The following P3H2 variants were observed in gnomAD, a reference collection of about 807,000 sequenced individuals.
The protein encoded by P3H2 is prolyl 3-hydroxylase 2, also known as leprecan-like 1.
A neutral mutation model predicts 87.0 loss-of-function variants in P3H2; 80 were observed. The observed-to-expected ratio is 0.92, with a 90% CI of 0.77 to 1.11. The LOEUF (loss-of-function observed/expected upper bound fraction) is 1.11. Among genes scored for constraint, P3H2 ranks in the 50% least tolerant of loss-of-function variants. The pLI, the probability that P3H2 is intolerant of heterozygous loss-of-function variation, is 0.00. For synonymous variants in P3H2, 367 were observed against 359.3 expected (o/e 1.02, Z -0.24); for missense variants, 1,001 against 923.9 (o/e 1.08, Z -1.08).
In P3H2 at chr3:189,989,030, T is replaced by C. The variant is rs781334204; in HGVS notation, c.832A>G (p.Met278Val). 4 of 1,613,960 alleles carry C rather than the reference T, an allele frequency of 2.5e-6. No individual in the cohort carries two copies. In the African/African-American group the frequency reaches 5.3e-5, roughly 22 times the overall value. ...GLYEAIADHY[M>V]QVLVCQHECV... ...TCATGCTGACAAACAAGCACCTGCATGTAGTGATCTGGAAGACAAGAGCCA... is the reference window on the plus strand; with the variant it reads ...TCATGCTGACAAACAAGCACCTGCACGTAGTGATCTGGAAGACAAGAGCCA... Residue 278 changes from methionine (M) to valine (V), a missense_variant, in exon 4 of 15, where the codon ATG becomes GTG. Transcript: ENST00000319332.
At chr3:190,024,458 A>G (rs1310802015) in intron 1 of P3H2, among the ~76,000 whole-genome samples, 5 of 144,740 alleles carry the variant, frequency 3.5e-5, no homozygotes, top group Non-Finnish European at 7.5e-5. Flanking sequence ...CAGGAGAATC[A>G]CTTGAACTGG....
chr3:190,080,727 C>T (rs988894838), intron 1 of P3H2, among the ~76,000 whole-genome samples: 2 of 151,892 alleles, frequency 1.3e-5, no homozygotes, highest in Non-Finnish European at 2.9e-5. Context: ...TTTCTAACCC[C>T]AACTGTAGAT....
At chr3:190,046,689 T>C (rs1725817812) in intron 1 of P3H2, among the ~76,000 whole-genome samples, 1 of 152,186 alleles carries the variant, frequency 6.6e-6, no homozygotes, top group Non-Finnish European at 1.5e-5. Context: ...CAAATGGATT[T>C]CTCTATAAAA....
rs192358977 is a variant in P3H2 at position 190,002,232 on chromosome 3, C to T, written c.481-6790G>A. 2.8e-4 allele frequency among the ~76,000 whole-genome samples: 42 copies of T among 151,826 alleles called. No homozygotes were observed. In the South Asian group the frequency reaches 4.6e-3, roughly 16 times the overall value. On this transcript the variant is annotated intron_variant, in intron 1 of 14. Transcript: ENST00000319332. ...TTCACAATTCAGTTATAAGAAAAAA[C>T]AGTTTATATCTCCTGACAAATTTAT...
At chr3:190,117,917 G>C (rs544100405) in intron 1 of P3H2, among the ~76,000 whole-genome samples, 2 of 152,112 alleles carry the variant, frequency 1.3e-5, no homozygotes, top group South Asian at 4.2e-4. Flanking sequence ...GGGAGAAGAC[G>C]CAAGACTTGT....
intron 1 of P3H2, among the ~76,000 whole-genome samples, chr3:190,012,009 A>G (rs186599836): frequency 6.6e-6 from 1 of 152,336 alleles, no homozygotes; most frequent in East Asian, 1.9e-4. Context: ...TGTGTGGTAT[A>G]TGAAGAAACA....
intron 14 of P3H2, among the ~76,000 whole-genome samples, chr3:189,958,223 C>T (rs1188647880): frequency 2.0e-5 from 3 of 152,186 alleles, no homozygotes; most frequent in Non-Finnish European, 2.9e-5. Context: ...CTGCAAAGAA[C>T]GACTGTATGT....
Position 189,973,015 on chromosome 3 carries a change from C to G in P3H2, c.1558G>C (p.Glu520Gln). The change falls in exon 11 of 15, where the codon GAA becomes CAA. Residue 520 changes from glutamate to glutamine, a missense_variant. Coordinates refer to ENST00000319332, the MANE Select transcript of P3H2 (RefSeq NM_018192.4). ...TVLKALKSGY[E>Q]GRVPLKSARL... is the part of the protein sequence containing the mutation. The stretch of plus-strand genomic sequence containing the variant: ...GCGCTCTTCAGTGGGACTCGACCTT[C>G]ATAACCAGACTGAAAAAAAAAAACA... 4 of 1,590,544 alleles carry G rather than the reference C, an allele frequency of 2.5e-6. No homozygotes were observed. Among genetic ancestry groups the G allele is most frequent in the Non-Finnish European group, 3.4e-6 (4 of 1,171,208 alleles).
chr3:190,042,359 T>G (rs1050283648), intron 1 of P3H2, among the ~76,000 whole-genome samples: 5 of 152,116 alleles, frequency 3.3e-5, no homozygotes, highest in Non-Finnish European at 7.4e-5. Context: ...GTTCCAAAAA[T>G]TTTTACTTGT....
chr3:190,036,515 T>G (rs1725430549), intron 1 of P3H2, among the ~76,000 whole-genome samples: 2 of 92,338 alleles, frequency 2.2e-5, no homozygotes, highest in Non-Finnish European at 4.6e-5. Flanking sequence ...CGTAATCTTG[T>G]GAGATTATTA....
At chr3:189,995,716 G>T (rs926390615) in intron 1 of P3H2, among the ~76,000 whole-genome samples, 1 of 151,748 alleles carries the variant, frequency 6.6e-6, no homozygotes, top group Non-Finnish European at 1.5e-5. Context: ...TCCAAAAGGG[G>T]TTAATATCTA....
intron 1 of P3H2, among the ~76,000 whole-genome samples, chr3:190,002,100 T>C (rs1216388257): frequency 6.6e-6 from 1 of 152,166 alleles, no homozygotes; most frequent in East Asian, 1.9e-4. Context: ...GTCAGATTTT[T>C]GGAGTAAAAT....
chr3:190,058,283 G>A (rs781360625), intron 1 of P3H2, among the ~76,000 whole-genome samples: 2 of 152,064 alleles, frequency 1.3e-5, no homozygotes, highest in East Asian at 3.9e-4. Flanking sequence ...ACCCTCTCTC[G>A]TGTAAGTAGC....
At chr3:189,978,594 A>T (rs1723424624) in intron 8 of P3H2, among the ~76,000 whole-genome samples, 1 of 152,166 alleles carries the variant, frequency 6.6e-6, no homozygotes, top group African/African-American at 2.4e-5. Context: ...TCATGTAGCT[A>T]ACATAATCAT....
intron 1 of P3H2, among the ~76,000 whole-genome samples, chr3:190,018,731 G>T (rs143106745): frequency 1.0e-3 from 154 of 152,228 alleles, no homozygotes; most frequent in Middle Eastern, 3.4e-3. Context: ...AAAGATAAGT[G>T]CCTTGCTAAC....
In P3H2 at chr3:190,120,232, G is replaced by C. The variant is rs146592167; in HGVS notation, c.480+20C>G. The C allele has an allele frequency of 4.7e-5, 76 of 1,606,548 alleles. No individual in the cohort carries two copies. Among genetic ancestry groups the C allele is most frequent in the African/African-American group, 2.9e-4 (22 of 74,994 alleles). On this transcript the variant is annotated intron_variant, in intron 1 of 14. Coordinates refer to ENST00000319332, the MANE Select transcript of P3H2 (RefSeq NM_018192.4). ...TGAGAGCCGCAGGGGCTTTGCAGTG[G>C]AGGAGCGCTCTGTGGGTACCTTGAT...
Position 189,964,102 on chromosome 3 carries a change from A to T in P3H2, c.1894-4T>A. ...CACATTTTGGTTTTATAGAGGCCTG[A>T]GAAAGAAAGCAAAAATTAGACTTTC... is the stretch of plus-strand genomic sequence containing the variant. On this transcript the variant is annotated splice_polypyrimidine_tract_variant and splice_region_variant and intron_variant, in intron 13 of 14. Coordinates refer to ENST00000319332, the MANE Select transcript of P3H2 (RefSeq NM_018192.4). The T allele has an allele frequency of 6.2e-7, 1 of 1,613,774 alleles. No individual in the cohort carries two copies.
In P3H2 at chr3:190,056,442, A is replaced by G. The variant is rs192055502; in HGVS notation, c.481-61000T>C. Among the ~76,000 whole-genome samples the G allele has an allele frequency of 1.1e-4, 17 of 152,302 alleles. No individual in the cohort carries two copies. The East Asian group carries it at 2.9e-3, about 26-fold the overall frequency. On this transcript the variant is annotated intron_variant, in intron 1 of 14. Coordinates refer to ENST00000319332, the MANE Select transcript of P3H2 (RefSeq NM_018192.4). ...AGGGTCCACATAGCAAGGGCTCACT[A>G]AACATTCATGGAAAAATATGCAGTT...
intron 1 of P3H2, among the ~76,000 whole-genome samples, chr3:190,064,060 T>G (rs1421553837): frequency 6.7e-6 from 1 of 148,288 alleles, no homozygotes; most frequent in Non-Finnish European, 1.5e-5. Flanking sequence ...AGGGCAATCA[T>G]AGCTCACTGT....
Sources: allele counts gnomAD v4.1 joint callset (sites outside exome capture counted in the v4.1 genomes callset), GRCh38; gene constraint gnomAD v4.1.1; transcripts MANE v1.5; gene names NCBI Gene and HGNC (gene_info 2026-07-23, HGNC 2026-07-21).